Variants in ZNF365 observed in about 807,000 individuals in gnomAD.
The protein encoded by ZNF365 is protein ZNF365.
ZNF365 carries 22 observed loss-of-function variants against 35.0 expected under a neutral mutation model. The ratio of observed to expected loss-of-function variants is 0.63; its 90% confidence interval spans 0.45 to 0.90. ZNF365 has a LOEUF of 0.90. ZNF365 is among the 40% of genes least tolerant of loss of function. The pLI is 0.00. For missense variants in ZNF365, 448 were observed against 500.3 expected, an observed-to-expected ratio of 0.90 and a Z score of 1.00; for synonymous variants, 188 against 196.2, an observed-to-expected ratio of 0.96 and a Z score of 0.35.
In ZNF365 at chr10:62,462,081, C is replaced by T. The variant is rs7083704; in HGVS notation, c.981+2284C>T. 9.4e-3 allele frequency among the ~76,000 whole-genome samples: 1,426 copies of T among 152,138 alleles called. 18 individuals carry two copies. Among genetic ancestry groups the T allele is most frequent in the African/African-American group, 0.032 (1,336 of 41,478 alleles). Reference sequence around the variant, plus strand: ...GTGATTCTCAAACTCTGGCATGCATCGGAGTACTTTGTATAGGGCTGGACC... The same window carrying T: ...GTGATTCTCAAACTCTGGCATGCATTGGAGTACTTTGTATAGGGCTGGACC... On this transcript the variant is annotated intron_variant, in intron 4 of 4. Transcript: ENST00000395255.
intron 3 of ZNF365, among the ~76,000 whole-genome samples, chr10:62,442,264 G>C (rs1276409050): frequency 6.6e-6 from 1 of 152,136 alleles, no homozygotes; most frequent in Non-Finnish European, 1.5e-5. Flanking sequence ...TGGCAATAAG[G>C]ATAGAATTTA....
chr10:62,479,285 G>A (rs1423645638), intron 4 of ZNF365, among the ~76,000 whole-genome samples: 2 of 152,062 alleles, frequency 1.3e-5, no homozygotes, highest in Non-Finnish European at 2.9e-5. Context: ...TTATAATTAG[G>A]AACATAATCT....
chr10:62,411,244 A>G (rs796594748), intron 3 of ZNF365, among the ~76,000 whole-genome samples: 24 of 152,186 alleles, frequency 1.6e-4, no homozygotes, highest in African/African-American at 5.8e-4. Flanking sequence ...GTTCACTCTG[A>G]TGATAGTTTA....
intron 2 of ZNF365, among the ~76,000 whole-genome samples, chr10:62,386,576 G>T (rs2132415924): frequency 6.6e-6 from 1 of 152,314 alleles, no homozygotes; most frequent in South Asian, 2.1e-4. Context: ...GTTTTGTAAG[G>T]ATGTGTGATT....
At chr10:62,394,186 A>G (rs923455756) in intron 3 of ZNF365, among the ~76,000 whole-genome samples, 2 of 152,222 alleles carry the variant, frequency 1.3e-5, no homozygotes, top group Non-Finnish European at 1.5e-5. Flanking sequence ...ATCCAAAATC[A>G]GAAATCCAAA....
At chr10:62,396,755 TTCTC>T (rs147517053) in intron 3 of ZNF365, among the ~76,000 whole-genome samples, 3 of 150,940 alleles carry the variant, frequency 2.0e-5, no homozygotes, top group East Asian at 3.9e-4. Context: ...CATGTATTTG[TTCTC>T]TCTCTCTCTC....
At chr10:62,473,983 G>A (rs1015820692) in intron 4 of ZNF365, among the ~76,000 whole-genome samples, 4 of 151,994 alleles carry the variant, frequency 2.6e-5, no homozygotes, top group African/African-American at 9.7e-5. Flanking sequence ...CTCTCCTCAG[G>A]GTCAAGAATG....
chr10:62,455,288 G>A (rs1840745098), intron 3 of ZNF365, among the ~76,000 whole-genome samples: 1 of 152,146 alleles, frequency 6.6e-6, no homozygotes, highest in Non-Finnish European at 1.5e-5. Flanking sequence ...CAGGAAAGAG[G>A]TCATGAAGCC....
At chr10:62,453,239 G>C (rs376970718) in intron 3 of ZNF365, among the ~76,000 whole-genome samples, 87 of 152,158 alleles carry the variant, frequency 5.7e-4, no homozygotes, top group African/African-American at 2.1e-3. Flanking sequence ...ACCAAATAAC[G>C]CACATTGTGC....
At chr10:62,436,926 G>GCA (rs147641736) in intron 3 of ZNF365, among the ~76,000 whole-genome samples, 20,401 of 152,036 alleles carry the variant, frequency 0.13, 1,462 homozygotes, top group African/African-American at 0.18. Context: ...AATGTGGCTA[G>GCA]CACACACACA....
At chr10:62,461,512 C>G (rs1323707056) in intron 4 of ZNF365, among the ~76,000 whole-genome samples, 1 of 152,228 alleles carries the variant, frequency 6.6e-6, no homozygotes. Context: ...CCTGGGCTTT[C>G]CTGACCGTGT....
chr10:62,480,188 G>A, exon 5 of ZNF365: 1 of 1,151,406 alleles, frequency 8.7e-7, no homozygotes, highest in Non-Finnish European at 1.1e-6. Flanking sequence ...AGTAGAAGAT[G>A]CTTCAGAACA....
At chr10:62,467,753 C>T (rs1028699523) in intron 4 of ZNF365, among the ~76,000 whole-genome samples, 2 of 152,134 alleles carry the variant, frequency 1.3e-5, no homozygotes, top group Non-Finnish European at 2.9e-5. Context: ...CATTCGGATG[C>T]TATGAATCAT....
chr10:62,441,662 T>G (rs1009615344), intron 3 of ZNF365, among the ~76,000 whole-genome samples: 3 of 152,196 alleles, frequency 2.0e-5, no homozygotes, highest in Non-Finnish European at 4.4e-5. Context: ...ACTTGGCATT[T>G]CATCTGTGTT....
intron 3 of ZNF365, among the ~76,000 whole-genome samples, chr10:62,434,477 C>G (rs1015883746): frequency 5.3e-5 from 8 of 152,084 alleles, no homozygotes; most frequent in African/African-American, 1.9e-4. Context: ...TAGGAAGGGC[C>G]TGAACAATTC....
downstream of ZNF365, among the ~76,000 whole-genome samples, chr10:62,407,409 T>C (rs1201834078): frequency 3.3e-5 from 5 of 152,196 alleles, no homozygotes; most frequent in African/African-American, 1.2e-4. Context: ...GTGAAACTAC[T>C]GACACCTGCT....
In ZNF365 at chr10:62,376,486, A is replaced by C; in HGVS notation, c.293A>C (p.Tyr98Ser). 6.2e-7 allele frequency: 1 copy of C among 1,614,134 alleles called. No individual in the cohort carries two copies. Among genetic ancestry groups the C allele is most frequent in the Non-Finnish European group, 8.5e-7 (1 of 1,180,032 alleles). ...SGNVVKQKPS[Y>S]VNLYSISHEH... ...AACGTGGTAAAGCAGAAACCGAGCT[A>C]TGTTAACTTGTACAGCATTTCACAT... The change falls in exon 2 of 5, where the codon TAT (tyrosine) becomes TCT (serine). Residue 98 changes from tyrosine to serine, a missense_variant. By Grantham distance (144) the Tyr-to-Ser change is moderately radical (BLOSUM62 -2). This residue lies in a region of ZNF365 where 10 missense variants were observed against 27.9 expected (regional missense o/e 0.36). Transcript: ENST00000395254.
chr10:62,403,052 CA>C (rs1564575865), downstream of ZNF365, among the ~76,000 whole-genome samples: 1 of 152,226 alleles, frequency 6.6e-6, no homozygotes, highest in Non-Finnish European at 1.5e-5. Flanking sequence ...ATTCAAAATA[CA>C]TGAGTAACTT....
At position 62,401,507 on chromosome 10, in the gene ZNF365, G is replaced by T; in HGVS notation, c.*1718G>T. ...TTTATGGGGGGGGTAGATCATTCAT[G>T]TGATATATAAGCAGCTATCAAGTGG... On this transcript the variant is annotated 3_prime_UTR_variant, in exon 5 of 5. Transcript: ENST00000395254. 3 of 985,490 alleles carry T rather than the reference G, an allele frequency of 3.0e-6. No homozygotes were observed. Among genetic ancestry groups the T allele is most frequent in the Non-Finnish European group, 3.6e-6 (3 of 829,902 alleles). The allele number at this position is 985,490 out of a possible 1,614,324, so 61.0% of individuals were successfully genotyped here. A position where few individuals can be genotyped will look rare whatever the true frequency, so the allele number is the denominator to read the frequency against.
Sources: gnomAD v4.1 joint callset for allele counts (sites outside exome capture counted in the v4.1 genomes callset) on GRCh38, gnomAD v4.1.1 for gene constraint, gnomAD v4.1.1 regional missense constraint, MANE v1.5 for transcripts, NCBI Gene and HGNC (gene_info 2026-07-23, HGNC 2026-07-21) for gene names.